The following PHF7 variants were observed in gnomAD, a reference collection of about 807,000 sequenced individuals.
The protein encoded by PHF7 is E3 ubiquitin-protein ligase PHF7.
PHF7 carries 24 observed loss-of-function variants against 47.5 expected under a neutral mutation model. The observed-to-expected ratio is 0.51, with a 90% CI of 0.37 to 0.71. The LOEUF (loss-of-function observed/expected upper bound fraction) is 0.71, where lower values mean the gene tolerates loss of function less well. PHF7 is among the 30% of genes least tolerant of loss of function. The pLI, the probability that PHF7 is intolerant of heterozygous loss-of-function variation, is 0.00. For synonymous variants in PHF7, 156 were observed against 153.8 expected, an observed-to-expected ratio of 1.01 and a Z score of -0.11; for missense variants, 361 against 456.8, an observed-to-expected ratio of 0.79 and a Z score of 1.91.
chr3:52,414,142 C>A, intron 3 of PHF7, 94 bp downstream of exon 3: 1 of 801,938 alleles, frequency 1.2e-6, no homozygotes, highest in Non-Finnish European at 2.1e-6. Flanking sequence ...TCTTCTCTCT[C>A]TCCCAGCCCT....
Position 52,411,209 on chromosome 3 carries a change from A to T in PHF7, c.-108A>T, listed in dbSNP as rs139565574. The T allele has an allele frequency of 2.0e-5, 3 of 152,318 alleles. No individual in the cohort carries two copies. In the East Asian group the frequency reaches 5.8e-4, roughly 29 times the overall value. 9.4% of individuals were successfully genotyped at this position (152,318 alleles called of 1,614,324 possible). ...GTGTGCACAGAATCCTACTCAAGGA[A>T]CGTCTTGGCCCAGCGATGCAAAGAA... On this transcript the variant is annotated 5_prime_UTR_variant, in exon 1 of 11. Coordinates refer to ENST00000327906, the MANE Select transcript of PHF7 (RefSeq NM_016483.7).
At chr3:52,413,906 ACC>A (rs1211235840) in intron 2 of PHF7, 88 bp from the exon 3 acceptor site, 1 of 829,692 alleles carries the variant, frequency 1.2e-6, no homozygotes, top group East Asian at 2.4e-5. Flanking sequence ...CCTTCATCAG[ACC>A]CATGAATGGC....
intron 1 of PHF7, among the ~76,000 whole-genome samples, chr3:52,411,960 A>T (rs1338635596): frequency 6.6e-6 from 1 of 152,258 alleles, no homozygotes; most frequent in Non-Finnish European, 1.5e-5. Flanking sequence ...TCACGCCTGT[A>T]ATCCCAGCAC....
At position 52,420,957 on chromosome 3, in the gene PHF7, G is replaced by A; in HGVS notation, c.468G>A (p.Gly156=). 6.2e-7 allele frequency: 1 copy of A among 1,613,508 alleles called. No individual in the cohort carries two copies. The highest frequency in any genetic ancestry group is 1.3e-5 in the African/African-American group (1 of 75,026). ...AGAACATCCAACATGGGCATGTGGG[G>A]GAGGAAAGCTGCATCTTATGTTGTG... is the stretch of plus-strand genomic sequence containing the variant. The part of the protein sequence containing the change: ...PTQNIQHGHV[G]EESCILCCED... The change falls in exon 7 of 11, where the codon GGG becomes GGA. Residue 156 remains glycine (G), a synonymous_variant. Transcript: ENST00000327906.
chr3:52,421,526 C>T, intron 7 of PHF7, 122 bp from the exon 8 acceptor site: 1 of 691,674 alleles, frequency 1.4e-6, no homozygotes, highest in African/African-American at 1.8e-5. Context: ...CACCCAAACT[C>T]CTTTTCCTGT....
Position 52,423,428 on chromosome 3 carries a change from G to A in PHF7, c.*111G>A, listed in dbSNP as rs1705859147. The A allele has an allele frequency of 3.0e-6, 2 of 675,136 alleles. No homozygotes were observed. The highest frequency in any genetic ancestry group is 5.5e-5 in the Admixed American group (2 of 36,682). The allele number at this position is 675,136 out of a possible 1,614,324, so 41.8% of individuals were successfully genotyped here. A position where few individuals can be genotyped will look rare whatever the true frequency, so the allele number is the denominator to read the frequency against. On this transcript the variant is annotated 3_prime_UTR_variant, in exon 11 of 11. Transcript: ENST00000327906. ...GTGAGACAAGGAAGCAGGGCCAGCAGTGAGACTATGAGCCAAGCAAAGAGA... is the reference window on the plus strand; with the variant it reads ...GTGAGACAAGGAAGCAGGGCCAGCAATGAGACTATGAGCCAAGCAAAGAGA...
chr3:52,412,840 G>C lies in PHF7; in HGVS notation c.-40G>C. 5.3e-6 allele frequency: 8 copies of C among 1,508,568 alleles called. No homozygotes were observed. Among genetic ancestry groups the C allele is most frequent in the Non-Finnish European group, 7.4e-6 (8 of 1,086,262 alleles). 93.4% of individuals were successfully genotyped at this position (1,508,568 alleles called of 1,614,324 possible). A position where few individuals can be genotyped will look rare whatever the true frequency, so the allele number is the denominator to read the frequency against. On this transcript the variant is annotated 5_prime_UTR_variant, in exon 2 of 11. Transcript: ENST00000327906. ...AAGAGCCTGTATTGTCCTCACAATA[G>C]TATAGAAGAATTCAAGAGAGGAGAG... is the stretch of plus-strand genomic sequence containing the variant.
chr3:52,411,166 C>T lies in PHF7; in HGVS notation c.-151C>T, dbSNP rs1048547729. ...CCCTCAGATGTTTTGAAGATCGTGA[C>T]GTCTTGTAACTAGCAGTGTGTGCAC... On this transcript the variant is annotated 5_prime_UTR_variant, in exon 1 of 11. It adds an upstream start codon to the 5' untranslated region. Coordinates refer to ENST00000327906, the MANE Select transcript of PHF7 (RefSeq NM_016483.7). 6.6e-6 allele frequency: 1 copy of T among 152,208 alleles called. No homozygotes were observed. The highest frequency in any genetic ancestry group is 2.4e-5 in the African/African-American group (1 of 41,454). 9.4% of individuals were successfully genotyped at this position (152,208 alleles called of 1,614,324 possible).
Position 52,422,774 on chromosome 3 carries a change from T to C in PHF7, c.812T>C (p.Ile271Thr). 2 of 1,614,138 alleles carry C rather than the reference T, an allele frequency of 1.2e-6. No individual in the cohort carries two copies. The change falls in exon 10 of 11, where the codon ATT (isoleucine) becomes ACT (threonine). Residue 271 changes from isoleucine to threonine, a missense_variant. Physicochemically the swap from Ile to Thr is moderately conservative, Grantham distance 89. Transcript: ENST00000327906. ...TCTTCCTCTAGGAGGTGGTGCCTCA[T>C]TCTGTGTGCTACATGCGGATCCCAC... ...SFEDEGRWCL[I>T]LCATCGSHGT...
chr3:52,412,517 C>T (rs1705482019), intron 1 of PHF7, among the ~76,000 whole-genome samples: 1 of 152,138 alleles, frequency 6.6e-6, no homozygotes, highest in South Asian at 2.1e-4. Context: ...TTAGTGTTGG[C>T]CTCTGGAGCC....
At position 52,410,683 on chromosome 3, in the gene PHF7, C is replaced by T. The variant is rs564506808; in HGVS notation, c.-634C>T. Reference sequence around the variant, plus strand: ...GCAGTCTTCGCCGGCGCAGTCACCGCGCAGGGCGGCCGCCCGGAGGTAGCT... The same window carrying T: ...GCAGTCTTCGCCGGCGCAGTCACCGTGCAGGGCGGCCGCCCGGAGGTAGCT... On this transcript the variant is annotated 5_prime_UTR_variant, in exon 1 of 11. Coordinates refer to ENST00000327906, the MANE Select transcript of PHF7 (RefSeq NM_016483.7). 16 of 152,780 alleles carry T rather than the reference C, an allele frequency of 1.0e-4. No homozygotes were observed. The highest frequency in any genetic ancestry group is 3.8e-4 in the African/African-American group (16 of 41,588). 9.5% of individuals were successfully genotyped at this position (152,780 alleles called of 1,614,324 possible). A position where few individuals can be genotyped will look rare whatever the true frequency, so the allele number is the denominator to read the frequency against.
chr3:52,413,970 T>C (rs1192357463), intron 2 of PHF7, 26 bp from the exon 3 acceptor site: 2 of 1,544,794 alleles, frequency 1.3e-6, no homozygotes, highest in Non-Finnish European at 8.9e-7. Flanking sequence ...AAAGAACACC[T>C]TGTGCTTCTT....
intron 5 of PHF7, 94 bp from the exon 6 acceptor site, chr3:52,420,216 AT>A: frequency 7.2e-7 from 1 of 1,380,116 alleles, no homozygotes; most frequent in Non-Finnish European, 1.0e-6. Context: ...AATGGCTATT[AT>A]TTCACAAAAC....
intron 9 of PHF7, 110 bp downstream of exon 9, chr3:52,422,448 A>G: frequency 1.3e-6 from 1 of 786,000 alleles, no homozygotes; most frequent in South Asian, 1.4e-5. Flanking sequence ...AGACCTTAGG[A>G]TAAACACGAT....
intron 6 of PHF7, 59 bp from the exon 7 acceptor site, chr3:52,420,844 G>T: frequency 1.3e-6 from 2 of 1,516,812 alleles, no homozygotes; most frequent in Non-Finnish European, 1.8e-6. Context: ...TCCTAGAGCG[G>T]GCCATTGGGA....
intron 3 of PHF7, 116 bp downstream of exon 3, chr3:52,414,164 A>C (rs1705550866): frequency 1.4e-6 from 1 of 692,622 alleles, no homozygotes; most frequent in African/African-American, 1.8e-5. Flanking sequence ...CTTCCTTCCT[A>C]GATTCTCTAA....
At chr3:52,421,359 A>G (rs569095451) in intron 7 of PHF7, among the ~76,000 whole-genome samples, 1 of 152,312 alleles carries the variant, frequency 6.6e-6, no homozygotes, top group Non-Finnish European at 1.5e-5. Flanking sequence ...ACTTCCTGGG[A>G]TGAAAGAAAA....
intron 6 of PHF7, 119 bp downstream of exon 6, chr3:52,420,554 C>T: frequency 1.0e-6 from 1 of 963,360 alleles, no homozygotes. Context: ...GAATCTGTCC[C>T]TCCATTCAGT....
chr3:52,423,409 C>T lies in PHF7; in HGVS notation c.*92C>T, dbSNP rs1040589064. 1.0e-5 allele frequency: 8 copies of T among 771,602 alleles called. No individual in the cohort carries two copies. The highest frequency in any genetic ancestry group is 5.2e-5 in the African/African-American group (3 of 57,532). 47.8% of individuals were successfully genotyped at this position (771,602 alleles called of 1,614,324 possible). A position where few individuals can be genotyped will look rare whatever the true frequency, so the allele number is the denominator to read the frequency against. On this transcript the variant is annotated 3_prime_UTR_variant, in exon 11 of 11. Coordinates refer to ENST00000327906, the MANE Select transcript of PHF7 (RefSeq NM_016483.7). ...GAGGGAGCACTCTGGGACTGTGAGA[C>T]AAGGAAGCAGGGCCAGCAGTGAGAC...
Sources: allele counts gnomAD v4.1 joint callset (sites outside exome capture counted in the v4.1 genomes callset), GRCh38; gene constraint gnomAD v4.1.1; transcripts MANE v1.5; gene names NCBI Gene and HGNC (gene_info 2026-07-23, HGNC 2026-07-21).